Variants in CAMTA1 observed in about 807,000 individuals in gnomAD.
The protein encoded by CAMTA1 is calmodulin binding transcription activator 1, also known as calmodulin-binding transcription activator 1.
In CAMTA1, 27 loss-of-function variants were observed where a neutral mutation model predicts 170.9. That is an observed-to-expected ratio of 0.16 (90% CI 0.12 to 0.22). The LOEUF (loss-of-function observed/expected upper bound fraction) is 0.22. CAMTA1 is among the 10% of genes least tolerant of loss of function. The pLI, the probability that CAMTA1 is intolerant of heterozygous loss-of-function variation, is 1.00. For missense variants in CAMTA1, 1,619 were observed against 2,217.2 expected, an observed-to-expected ratio of 0.73 and a Z score of 5.42; for synonymous variants, 833 against 891.5, an observed-to-expected ratio of 0.93 and a Z score of 1.17.
At chr1:7,518,576 C>G (rs1193386498) in intron 6 of CAMTA1, among the ~76,000 whole-genome samples, 1 of 151,974 alleles carries the variant, frequency 6.6e-6, no homozygotes, top group Non-Finnish European at 1.5e-5. Flanking sequence ...GCCTTGGGGT[C>G]CAGGAGCCTG....
At chr1:7,723,508 T>TCTGC (rs753589898) in intron 11 of CAMTA1, among the ~76,000 whole-genome samples, 4 of 152,216 alleles carry the variant, frequency 2.6e-5, no homozygotes, top group Non-Finnish European at 5.9e-5. Context: ...TACTCCCCCG[T>TCTGC]CTGCGAGGTG....
chr1:6,972,152 G>A (rs4550079), intron 3 of CAMTA1, among the ~76,000 whole-genome samples: 14,996 of 152,158 alleles, frequency 0.099, 864 homozygotes, highest in East Asian at 0.17. Context: ...TGCTAAGGCA[G>A]GGGGGTTATT....
At chr1:7,677,471 A>G in intron 10 of CAMTA1, 128 bp from the exon 11 acceptor site, 1 of 1,077,802 alleles carries the variant, frequency 9.3e-7, no homozygotes, top group Non-Finnish European at 1.3e-6. Flanking sequence ...GGCATAGGCT[A>G]CCATTAAGGA....
At chr1:6,866,580 G>A (rs1571143075) in intron 3 of CAMTA1, among the ~76,000 whole-genome samples, 4 of 152,304 alleles carry the variant, frequency 2.6e-5, no homozygotes, top group East Asian at 3.9e-4. Flanking sequence ...GGGGTAGCAC[G>A]AGAAATGAGT....
intron 3 of CAMTA1, among the ~76,000 whole-genome samples, chr1:6,926,148 C>T (rs368360506): frequency 3.9e-5 from 6 of 152,258 alleles, no homozygotes; most frequent in East Asian, 3.8e-4. Context: ...TTGCTCAGGA[C>T]AGTGCTTGGT....
chr1:7,626,306 C>G (rs2095633262), intron 6 of CAMTA1, among the ~76,000 whole-genome samples: 1 of 152,192 alleles, frequency 6.6e-6, no homozygotes. Flanking sequence ...CAAGGGAGAG[C>G]TTTGGGGTTT....
intron 3 of CAMTA1, among the ~76,000 whole-genome samples, chr1:7,049,687 C>T (rs1184180663): frequency 6.6e-6 from 1 of 152,204 alleles, no homozygotes. Context: ...GAACTCTTGA[C>T]CTCAGGTGGA....
At chr1:6,798,746 G>A (rs11122153) in intron 1 of CAMTA1, among the ~76,000 whole-genome samples, 903 of 110,676 alleles carry the variant, frequency 8.2e-3, no homozygotes, top group East Asian at 0.012. Flanking sequence ...ACAGGCGCCC[G>A]CCACCGCGCC....
At chr1:7,110,432 A>G (rs1476700813) in intron 4 of CAMTA1, among the ~76,000 whole-genome samples, 1 of 152,124 alleles carries the variant, frequency 6.6e-6, no homozygotes, top group Non-Finnish European at 1.5e-5. Flanking sequence ...TTTGTTTTAA[A>G]ATGACCTAAT....
At chr1:7,623,229 A>C (rs917312343) in intron 6 of CAMTA1, among the ~76,000 whole-genome samples, 2 of 152,216 alleles carry the variant, frequency 1.3e-5, no homozygotes, top group Non-Finnish European at 2.9e-5. Flanking sequence ...AATGTAGGCC[A>C]GTCCCTGGTA....
chr1:7,103,558 CATACACACA>C (rs1643061007), intron 4 of CAMTA1, among the ~76,000 whole-genome samples: 1 of 29,810 alleles, frequency 3.4e-5, no homozygotes, highest in Non-Finnish European at 6.3e-5. Flanking sequence ...ACACTACACA[CATACACACA>C]ACACAACTAC....
At chr1:7,228,315 G>A (rs968774844) in intron 4 of CAMTA1, among the ~76,000 whole-genome samples, 3 of 152,170 alleles carry the variant, frequency 2.0e-5, no homozygotes, top group Non-Finnish European at 4.4e-5. Flanking sequence ...CAAGAACTCC[G>A]GACTCAGCCG....
chr1:7,466,080 C>A (rs1421887645), intron 5 of CAMTA1, among the ~76,000 whole-genome samples: 1 of 152,186 alleles, frequency 6.6e-6, no homozygotes, highest in South Asian at 2.1e-4. Context: ...TGAGAACATG[C>A]AAATTCCAAA....
At position 7,609,653 on chromosome 1, in the gene CAMTA1, AC is replaced by A. The variant is rs371178101; in HGVS notation, c.511-30746del. 1.7e-4 allele frequency among the ~76,000 whole-genome samples: 26 copies of A among 152,182 alleles called. No individual in the cohort carries two copies. The highest frequency in any genetic ancestry group is 6.0e-4 in the African/African-American group (25 of 41,460). ...CCATGTCCTGGTGACCTTGCTGAGGACATTGGAGCTCCAGCCTCAAGTCAGA... is the reference window on the plus strand; with the variant it reads ...CCATGTCCTGGTGACCTTGCTGAGGAATTGGAGCTCCAGCCTCAAGTCAGA... On this transcript the variant is annotated intron_variant, in intron 6 of 22. Coordinates refer to ENST00000303635, the MANE Select transcript of CAMTA1 (RefSeq NM_015215.4). The surrounding 1 kb of genome is among the most constrained non-coding windows in gnomAD (Gnocchi z 4.4).
intron 5 of CAMTA1, among the ~76,000 whole-genome samples, chr1:7,257,553 C>T (rs1203970155): frequency 2.2e-5 from 3 of 136,978 alleles, no homozygotes; most frequent in East Asian, 4.1e-4. Flanking sequence ...CGAGCTTCCA[C>T]GGCACACCCA....
chr1:6,891,263 CT>C (rs1344423556), intron 3 of CAMTA1, among the ~76,000 whole-genome samples: 5 of 152,194 alleles, frequency 3.3e-5, no homozygotes, highest in African/African-American at 1.2e-4. Context: ...GCAATCCCCA[CT>C]TTTATACTGT....
At chr1:7,458,212 G>A (rs942662580) in intron 5 of CAMTA1, among the ~76,000 whole-genome samples, 1 of 152,170 alleles carries the variant, frequency 6.6e-6, no homozygotes, top group Non-Finnish European at 1.5e-5. Context: ...GTCCCTCCAG[G>A]GTGTGCACCA....
intron 1 of CAMTA1, among the ~76,000 whole-genome samples, chr1:6,791,167 C>A (rs150347642): frequency 3.8e-4 from 47 of 124,844 alleles, no homozygotes; most frequent in Middle Eastern, 0.01. Context: ...ACCTCCCTTT[C>A]TTTTCTTCGG....
intron 16 of CAMTA1, among the ~76,000 whole-genome samples, chr1:7,739,573 T>C (rs1167993241): frequency 2.0e-5 from 3 of 152,158 alleles, no homozygotes; most frequent in Non-Finnish European, 4.4e-5. Flanking sequence ...TTCCACGTGG[T>C]TGGGGAGGCC....
Sources: gnomAD v4.1 joint callset for allele counts (sites outside exome capture counted in the v4.1 genomes callset) on GRCh38, gnomAD v4.1.1 for gene constraint, Gnocchi (gnomAD v3.1) non-coding constraint, MANE v1.5 for transcripts, NCBI Gene and HGNC (gene_info 2026-07-23, HGNC 2026-07-21) for gene names.